Variants in IL17RA observed in about 807,000 individuals in gnomAD.
IL17RA encodes the protein interleukin-17 receptor A.
In IL17RA, 34 loss-of-function variants were observed where a neutral mutation model predicts 50.4. The ratio of observed to expected loss-of-function variants is 0.67; its 90% confidence interval spans 0.51 to 0.90. The LOEUF (loss-of-function observed/expected upper bound fraction) is 0.90, where lower values mean the gene tolerates loss of function less well. Ranked by LOEUF, IL17RA falls within the 40% of genes least tolerant of loss-of-function variation. The pLI is 0.00. For missense variants in IL17RA, 1,276 were observed against 1,169.8 expected, an observed-to-expected ratio of 1.09 and a Z score of -1.32; for synonymous variants, 585 against 510.4, an observed-to-expected ratio of 1.15 and a Z score of -1.97.
At position 17,088,444 on chromosome 22, in the gene IL17RA, G is replaced by A. The variant is rs149524052; in HGVS notation, c.138+3215G>A. ...AGCAATTCTTGTGCCTCAGCCTCCC[G>A]AGTCATTGGGATTACAGGCGCCCAC... is the stretch of plus-strand genomic sequence containing the variant. On this transcript the variant is annotated intron_variant, in intron 1 of 12. Transcript: ENST00000319363. Among the ~76,000 whole-genome samples the A allele has an allele frequency of 4.7e-3, 692 of 147,880 alleles. 13 individuals carry two copies. The highest frequency in any genetic ancestry group is 3.2e-3 in the South Asian group (15 of 4,616).
At position 17,102,159 on chromosome 22, in the gene IL17RA, A is replaced by G. The variant is rs756200741; in HGVS notation, c.619A>G (p.Ile207Val). 3 of 1,613,980 alleles carry G rather than the reference A, an allele frequency of 1.9e-6. No individual in the cohort carries two copies. Residue 207 changes from isoleucine to valine, a missense_variant, in exon 7 of 13, where the codon ATC becomes GTC. Coordinates refer to ENST00000319363, the MANE Select transcript of IL17RA (RefSeq NM_014339.7). ...GGCAGGCAGCCTGTGGGACCCCAAC[A>G]TCACCGTGGAGACCCTGGAGGCCCA... ...MSSGSLWDPN[I>V]TVETLEAHQL... is the part of the protein sequence containing the mutation.
At chr22:17,104,203 C>A (rs1237892318) in intron 8 of IL17RA, among the ~76,000 whole-genome samples, 5 of 34,068 alleles carry the variant, frequency 1.5e-4, no homozygotes, top group Non-Finnish European at 1.7e-4. Flanking sequence ...AGTGGTGTGG[C>A]TGGGAGTGGG....
In IL17RA at chr22:17,099,114, C is replaced by T. The variant is rs539608003; in HGVS notation, c.423+227C>T. ...GCGTATTTTTGAAAGCGTCCCTCAC[C>T]TGCTCACCCCTGGTTTTTCTTCCCA... On this transcript the variant is annotated intron_variant, in intron 4 of 12. Transcript: ENST00000319363. 3.3e-5 allele frequency among the ~76,000 whole-genome samples: 5 copies of T among 152,320 alleles called. No individual in the cohort carries two copies. In the East Asian group the frequency reaches 9.6e-4, roughly 29 times the overall value.
intron 1 of IL17RA, 139 bp downstream of exon 1, chr22:17,085,368 GC>G: frequency 7.1e-7 from 1 of 1,401,796 alleles, no homozygotes; most frequent in South Asian, 1.4e-5. Flanking sequence ...GGGGCTCAGA[GC>G]CTTGGGCACA....
chr22:17,104,754 A>G lies in IL17RA; in HGVS notation c.875A>G (p.Asn292Ser), dbSNP rs369019806. ...QIQPFFSSCL[N>S]DCLRHSATVS... ...CAGCCCTTCTTCAGCAGCTGCCTCA[A>G]TGACTGCCTCAGACACTCCGCGACT... The change falls in exon 9 of 13, where the codon AAT becomes AGT. Residue 292 changes from asparagine to serine, a missense_variant. Coordinates refer to ENST00000319363, the MANE Select transcript of IL17RA (RefSeq NM_014339.7). The G allele has an allele frequency of 2.5e-6, 4 of 1,613,902 alleles. No homozygotes were observed. Among genetic ancestry groups the G allele is most frequent in the African/African-American group, 2.7e-5 (2 of 74,862 alleles).
chr22:17,085,185 T>G lies in IL17RA; in HGVS notation c.94T>G (p.Ser32Ala), dbSNP rs1346925760. 3.9e-6 allele frequency: 6 copies of G among 1,526,896 alleles called. No homozygotes were observed. The highest frequency in any genetic ancestry group is 2.5e-5 in the East Asian group (1 of 39,262). The allele number at this position is 1,526,896 out of a possible 1,614,324, so 94.6% of individuals were successfully genotyped here. ...GGGCGTGCTGGCCCCGGGTGGCGCC[T>G]CCCTGCGACTCCTGGACCACCGGGC... Reference protein sequence around the residue: ...LLGVLAPGGASLRLLDHRALV... With the variant: ...LLGVLAPGGAALRLLDHRALV... Residue 32 changes from serine (S) to alanine (A), a missense_variant, in exon 1 of 13, where the codon TCC becomes GCC. By Grantham distance (99) the Ser-to-Ala change is moderately conservative. Coordinates refer to ENST00000319363, the MANE Select transcript of IL17RA (RefSeq NM_014339.7).
At chr22:17,100,946 A>AC (rs1350341612) in intron 5 of IL17RA, among the ~76,000 whole-genome samples, 1 of 152,000 alleles carries the variant, frequency 6.6e-6, no homozygotes, top group African/African-American at 2.4e-5. Context: ...ATGCCTATCC[A>AC]CACTGCCTGT....
intron 1 of IL17RA, among the ~76,000 whole-genome samples, chr22:17,090,703 GTTTT>G (rs1276644761): frequency 1.3e-5 from 2 of 152,024 alleles, no homozygotes; most frequent in Non-Finnish European, 2.9e-5. Flanking sequence ...ACTTCTCCCT[GTTTT>G]TTATTACAGT....
chr22:17,101,776 GA>G (rs2061392281), intron 5 of IL17RA, among the ~76,000 whole-genome samples: 2 of 152,206 alleles, frequency 1.3e-5, no homozygotes, highest in South Asian at 4.1e-4. Context: ...AGCTCAGGAG[GA>G]ATGCACTTGC....
At chr22:17,103,034 T>G (rs2123803395) in intron 7 of IL17RA, among the ~76,000 whole-genome samples, 1 of 152,190 alleles carries the variant, frequency 6.6e-6, no homozygotes, top group African/African-American at 2.4e-5. Flanking sequence ...CCCAGCAATT[T>G]GGGAAACTGA....
At chr22:17,107,300 A>T (rs1208125202) in intron 11 of IL17RA, among the ~76,000 whole-genome samples, 2 of 152,142 alleles carry the variant, frequency 1.3e-5, no homozygotes, top group Non-Finnish European at 2.9e-5. Flanking sequence ...AATTTCAGGG[A>T]GACAGGGCAG....
chr22:17,105,858 A>C lies in IL17RA; in HGVS notation c.949A>C (p.Met317Leu). The C allele has an allele frequency of 6.2e-7, 1 of 1,613,854 alleles. No individual in the cohort carries two copies. The highest frequency in any genetic ancestry group is 1.1e-5 in the South Asian group (1 of 91,078). The change falls in exon 11 of 13, where the codon ATG becomes CTG. Residue 317 changes from methionine (M) to leucine (L), a missense_variant. By Grantham distance (15) the Met-to-Leu change is conservative (BLOSUM62 2). Coordinates refer to ENST00000319363, the MANE Select transcript of IL17RA (RefSeq NM_014339.7). ...CGCTGTTCTGCTCACCGCAGACTAC[A>C]TGCCCCTGTGGGTGTACTGGTTCAT... The part of the protein sequence containing the change: ...PDTPEPIPDY[M>L]PLWVYWFITG...
At chr22:17,089,678 G>A (rs901123303) in intron 1 of IL17RA, among the ~76,000 whole-genome samples, 17 of 152,164 alleles carry the variant, frequency 1.1e-4, no homozygotes, top group Admixed American at 9.8e-4. Context: ...TTCAAGACCA[G>A]TCTGGGCAAC....
At chr22:17,097,246 T>C (rs1258976102) in intron 2 of IL17RA, 160 bp downstream of exon 2, 8 of 716,174 alleles carry the variant, frequency 1.1e-5, no homozygotes, top group Non-Finnish European at 2.1e-5. Context: ...TGCGTGCACC[T>C]GCGCTTCCTG....
At position 17,110,064 on chromosome 22, in the gene IL17RA, C is replaced by A. The variant is rs1007421834; in HGVS notation, c.*244C>A. 8.4e-5 allele frequency: 47 copies of A among 562,036 alleles called. No homozygotes were observed. Among genetic ancestry groups the A allele is most frequent in the African/African-American group, 8.1e-4 (43 of 53,212 alleles). 34.8% of individuals were successfully genotyped at this position (562,036 alleles called of 1,614,324 possible). On this transcript the variant is annotated 3_prime_UTR_variant, in exon 13 of 13. Coordinates refer to ENST00000319363, the MANE Select transcript of IL17RA (RefSeq NM_014339.7). ...CTCCCAGGAGCTAATGGTAGAGCGT[C>A]CTTGAGGCTCCATTATTCGTTCATT...
chr22:17,110,090 C>T lies in IL17RA; in HGVS notation c.*270C>T, dbSNP rs956829315. 3.9e-6 allele frequency: 2 copies of T among 516,244 alleles called. No homozygotes were observed. The highest frequency in any genetic ancestry group is 3.8e-5 in the African/African-American group (2 of 52,104). The allele number at this position is 516,244 out of a possible 1,614,324, so 32.0% of individuals were successfully genotyped here. On this transcript the variant is annotated 3_prime_UTR_variant, in exon 13 of 13. Transcript: ENST00000319363. ...CTTGAGGCTCCATTATTCGTTCATT[C>T]AGCATTTATTGTGCACCTACTATGT...
intron 11 of IL17RA, 117 bp downstream of exon 11, chr22:17,106,071 C>T: frequency 1.3e-6 from 1 of 788,098 alleles, no homozygotes; most frequent in Non-Finnish European, 2.2e-6. Flanking sequence ...AGAACCACGT[C>T]ATAAAGCTGT....
intron 1 of IL17RA, among the ~76,000 whole-genome samples, chr22:17,091,165 G>A (rs1199586610): frequency 6.6e-6 from 1 of 152,126 alleles, no homozygotes; most frequent in Non-Finnish European, 1.5e-5. Context: ...ATATCATCCT[G>A]TAATTTCCTA....
rs538368102 is a variant in IL17RA at position 17,110,186 on chromosome 22, G to C, written c.*366G>C. 2 of 347,794 alleles carry C rather than the reference G, an allele frequency of 5.8e-6. No homozygotes were observed. Among genetic ancestry groups the C allele is most frequent in the African/African-American group, 4.3e-5 (2 of 46,866 alleles). 21.5% of individuals were successfully genotyped at this position (347,794 alleles called of 1,614,324 possible). ...CAGCCATGAAGGAACTTAACCGCTA[G>C]TGCCGAGGACACGTTAAACGAACAG... is the stretch of plus-strand genomic sequence containing the variant. On this transcript the variant is annotated 3_prime_UTR_variant, in exon 13 of 13. Transcript: ENST00000319363.
Sources: gnomAD v4.1 joint callset for allele counts (sites outside exome capture counted in the v4.1 genomes callset) on GRCh38, gnomAD v4.1.1 for gene constraint, MANE v1.5 for transcripts, NCBI Gene and HGNC (gene_info 2026-07-23, HGNC 2026-07-21) for gene names.